SDK1: variants seen among roughly 807,000 people sequenced by gnomAD.
SDK1 encodes the protein sidekick cell adhesion molecule 1, also known as protein sidekick-1.
Under a neutral mutation model 245.5 loss-of-function variants are expected in SDK1, and 157 were observed. The ratio of observed to expected loss-of-function variants is 0.64; its 90% CI spans 0.56 to 0.73. The LOEUF is 0.73. Ranked by LOEUF, SDK1 falls within the 30% of genes least tolerant of loss-of-function variation. SDK1 has a pLI of 0.00. For missense variants in SDK1, 3,583 were observed against 3,002.3 expected, an observed-to-expected ratio of 1.19 and a Z score of -4.52; for synonymous variants, 1,647 against 1,278.5, an observed-to-expected ratio of 1.29 and a Z score of -6.15.
chr7:4,025,735 T>C (rs1787291889), intron 17 of SDK1, among the ~76,000 whole-genome samples: 1 of 152,236 alleles, frequency 6.6e-6, no homozygotes. Context: ...TTATTGTTCC[T>C]GTTTCAACAC....
At chr7:3,944,324 A>C (rs1780492128) in intron 5 of SDK1, among the ~76,000 whole-genome samples, 1 of 152,252 alleles carries the variant, frequency 6.6e-6, no homozygotes, top group African/African-American at 2.4e-5. Flanking sequence ...TCATTTACCA[A>C]GATGTTTTGT....
At chr7:3,940,202 G>A (rs991979152) in intron 5 of SDK1, among the ~76,000 whole-genome samples, 5 of 151,980 alleles carry the variant, frequency 3.3e-5, no homozygotes, top group African/African-American at 7.3e-5. Flanking sequence ...GAGGATGGCC[G>A]GAGCCACCCT....
At chr7:3,718,287 G>A (rs1785261586) in intron 4 of SDK1, among the ~76,000 whole-genome samples, 2 of 152,036 alleles carry the variant, frequency 1.3e-5, no homozygotes, top group Admixed American at 6.6e-5. Context: ...AATCACTTGG[G>A]CTCAGAAGTT....
chr7:3,375,966 C>T (rs1386470524), intron 1 of SDK1, among the ~76,000 whole-genome samples: 2 of 152,144 alleles, frequency 1.3e-5, no homozygotes, highest in Non-Finnish European at 2.9e-5. Flanking sequence ...ATTATTCAGT[C>T]AGTGGTGTGG....
At chr7:3,576,239 C>T (rs1354223409) in intron 1 of SDK1, among the ~76,000 whole-genome samples, 3 of 152,124 alleles carry the variant, frequency 2.0e-5, no homozygotes, top group Non-Finnish European at 2.9e-5. Context: ...CTTTTATGCT[C>T]ATCACCCCCA....
intron 35 of SDK1, among the ~76,000 whole-genome samples, chr7:4,200,905 A>T (rs1783845391): frequency 6.6e-6 from 1 of 152,222 alleles, no homozygotes; most frequent in Admixed American, 6.5e-5. Flanking sequence ...GAACATTGCC[A>T]TGCCCATGCA....
At chr7:3,441,670 A>G (rs1780200870) in intron 1 of SDK1, among the ~76,000 whole-genome samples, 1 of 152,172 alleles carries the variant, frequency 6.6e-6, no homozygotes, top group Admixed American at 6.5e-5. Context: ...CTTTTTAGAA[A>G]CAGCTTGTTA....
intron 35 of SDK1, among the ~76,000 whole-genome samples, chr7:4,193,656 A>C (rs1386035215): frequency 2.0e-5 from 3 of 152,072 alleles, no homozygotes; most frequent in African/African-American, 7.2e-5. Flanking sequence ...CTTAACTTGC[A>C]GGTCAGCCAC....
chr7:3,310,935 T>C (rs4722663), intron 1 of SDK1, among the ~76,000 whole-genome samples: 60,417 of 152,110 alleles, frequency 0.4, 12,922 homozygotes, highest in South Asian at 0.5. Flanking sequence ...CTGATTGATA[T>C]GATTGTAGGT....
intron 4 of SDK1, among the ~76,000 whole-genome samples, chr7:3,658,224 T>C (rs375395235): frequency 6.6e-6 from 1 of 152,194 alleles, no homozygotes; most frequent in African/African-American, 2.4e-5. Flanking sequence ...TGAGGTGGAA[T>C]CATTTTCTCA....
At chr7:3,728,117 G>A (rs1040709475) in intron 4 of SDK1, among the ~76,000 whole-genome samples, 11 of 152,222 alleles carry the variant, frequency 7.2e-5, no homozygotes, top group African/African-American at 2.4e-4. Context: ...CAGAAGTGAA[G>A]TCCCACTCTC....
intron 1 of SDK1, among the ~76,000 whole-genome samples, chr7:3,336,349 G>A (rs1350970871): frequency 1.3e-5 from 2 of 152,156 alleles, no homozygotes; most frequent in Non-Finnish European, 2.9e-5. Flanking sequence ...GCCTAGTGGG[G>A]AGCTGATCTT....
At chr7:4,134,115 A>T (rs1192989502) in intron 28 of SDK1, among the ~76,000 whole-genome samples, 1 of 152,116 alleles carries the variant, frequency 6.6e-6, no homozygotes, top group Non-Finnish European at 1.5e-5. Flanking sequence ...TCAGATATTT[A>T]TTGAGCCCTT....
At chr7:3,411,548 T>G (rs1445615947) in intron 1 of SDK1, among the ~76,000 whole-genome samples, 1 of 152,152 alleles carries the variant, frequency 6.6e-6, no homozygotes, top group African/African-American at 2.4e-5. Context: ...TCAGCTTAAT[T>G]AGAGATCAGT....
chr7:4,073,330 G>C (rs1204172401), intron 20 of SDK1, among the ~76,000 whole-genome samples: 1 of 152,208 alleles, frequency 6.6e-6, no homozygotes, highest in Non-Finnish European at 1.5e-5. Flanking sequence ...CACACGTCTT[G>C]GGCCTGCACC....
intron 5 of SDK1, among the ~76,000 whole-genome samples, chr7:3,891,673 C>T (rs1305996167): frequency 2.0e-5 from 3 of 152,170 alleles, no homozygotes; most frequent in African/African-American, 7.2e-5. Context: ...GTCTCTTTCT[C>T]TAGGCCATTT....
At chr7:4,232,387 TTTTTC>T (rs931102217) in intron 40 of SDK1, among the ~76,000 whole-genome samples, 5 of 139,716 alleles carry the variant, frequency 3.6e-5, no homozygotes, top group East Asian at 4.0e-4. Flanking sequence ...CTTTTTTCTT[TTTTTC>T]TTTTCTTTTC....
rs549659686 is a variant in SDK1 at position 3,325,980 on chromosome 7, G to A, written c.298+24096G>A. 9.3e-4 allele frequency among the ~76,000 whole-genome samples: 142 copies of A among 152,132 alleles called. 1 individual carries two copies. The highest frequency in any genetic ancestry group is 3.4e-3 in the African/African-American group (140 of 41,522). ...GGGTACACTCTCATAGGGATAAAGAGCCAACCAAATAAAAGGGCAGACATA... is the reference window on the plus strand; with the variant it reads ...GGGTACACTCTCATAGGGATAAAGAACCAACCAAATAAAAGGGCAGACATA... On this transcript the variant is annotated intron_variant, in intron 1 of 44. Transcript: ENST00000404826.
intron 4 of SDK1, among the ~76,000 whole-genome samples, chr7:3,702,971 A>G (rs1306146968): frequency 6.6e-6 from 1 of 151,444 alleles, no homozygotes; most frequent in Non-Finnish European, 1.5e-5. Flanking sequence ...TGGATGTTTC[A>G]TGCGTTGCTG....
Sources: allele counts gnomAD v4.1 joint callset (sites outside exome capture counted in the v4.1 genomes callset), GRCh38; gene constraint gnomAD v4.1.1; transcripts MANE v1.5; gene names NCBI Gene and HGNC (gene_info 2026-07-23, HGNC 2026-07-21).